Variants in BMERB1 observed in about 807,000 individuals in gnomAD.
BMERB1 encodes the protein bMERB domain-containing protein 1.
A neutral mutation model predicts 23.6 loss-of-function variants in BMERB1; 12 were observed. The ratio of observed to expected loss-of-function variants is 0.51; its 90% CI spans 0.33 to 0.82. The LOEUF is 0.82. Among genes scored for constraint, BMERB1 ranks in the 40% least tolerant of loss-of-function variants. BMERB1 has a pLI of 0.03. For missense variants in BMERB1, 247 were observed against 255.4 expected (o/e 0.97, Z 0.22); for synonymous variants, 122 against 96.6 (o/e 1.26, Z -1.54).
intron 3 of BMERB1, among the ~76,000 whole-genome samples, chr16:15,576,465 G>A (rs1380639116): frequency 6.6e-6 from 1 of 152,048 alleles, no homozygotes; most frequent in African/African-American, 2.4e-5. Context: ...CTGGCTGAAA[G>A]GTACAGAAAC....
At position 15,560,792 on chromosome 16, in the gene BMERB1, CAAAAT is replaced by C. The variant is rs542191165; in HGVS notation, c.231-7172_231-7168del. Among the ~76,000 whole-genome samples, 12 of 150,108 alleles carry C rather than the reference CAAAAT, an allele frequency of 8.0e-5. No individual in the cohort carries two copies. In the South Asian group the frequency reaches 8.4e-4, roughly 11 times the overall value. On this transcript the variant is annotated intron_variant, in intron 2 of 5. Transcript: ENST00000300006. ...TGGGTGACAGAGCCAGACTCCATCT[CAAAAT>C]AAAATAAAATAAAATAAATAAATAA...
intron 1 of BMERB1, among the ~76,000 whole-genome samples, chr16:15,509,573 A>C (rs906531510): frequency 6.6e-6 from 1 of 152,172 alleles, no homozygotes; most frequent in African/African-American, 2.4e-5. Context: ...GCGGCTGATG[A>C]CTAGTGTCAA....
intron 1 of BMERB1, among the ~76,000 whole-genome samples, chr16:15,470,535 T>TTCTTTC (rs1296541310): frequency 2.7e-5 from 1 of 37,118 alleles, no homozygotes; most frequent in Non-Finnish European, 9.8e-5. Flanking sequence ...CTTTCTTTCT[T>TTCTTTC]TTTTTTTTTT....
At chr16:15,461,956 A>ACAG (rs1035962763) in intron 1 of BMERB1, among the ~76,000 whole-genome samples, 2 of 151,898 alleles carry the variant, frequency 1.3e-5, no homozygotes, top group African/African-American at 2.4e-5. Flanking sequence ...AACAACAACA[A>ACAG]CAGCAGCAGC....
At chr16:15,474,545 G>T (rs189235172) in intron 1 of BMERB1, among the ~76,000 whole-genome samples, 3,142 of 151,768 alleles carry the variant, frequency 0.021, 103 homozygotes, top group Admixed American at 0.089. Flanking sequence ...AAATTTTTTT[G>T]TGTGTGTGTG....
intron 1 of BMERB1, among the ~76,000 whole-genome samples, chr16:15,486,610 T>A (rs925697763): frequency 2.6e-5 from 4 of 152,172 alleles, no homozygotes; most frequent in African/African-American, 9.7e-5. Flanking sequence ...TTCCATTGTA[T>A]CAACATGATC....
At chr16:15,502,861 C>A (rs144444634) in intron 1 of BMERB1, among the ~76,000 whole-genome samples, 1,818 of 152,214 alleles carry the variant, frequency 0.012, 15 homozygotes, top group Non-Finnish European at 0.022. Flanking sequence ...GAGATGGTCC[C>A]CATGACCATG....
intron 1 of BMERB1, among the ~76,000 whole-genome samples, chr16:15,449,830 A>T (rs2051026314): frequency 6.6e-6 from 1 of 151,628 alleles, no homozygotes; most frequent in African/African-American, 2.4e-5. Flanking sequence ...ACAGGCATGA[A>T]CCACTGCACC....
chr16:15,466,560 G>A (rs1031398654), intron 1 of BMERB1, among the ~76,000 whole-genome samples: 5 of 152,016 alleles, frequency 3.3e-5, no homozygotes, highest in East Asian at 1.9e-4. Flanking sequence ...TGTAGTTTGC[G>A]TGCAGTTGTA....
intron 1 of BMERB1, among the ~76,000 whole-genome samples, chr16:15,508,204 A>G (rs1473816350): frequency 1.3e-5 from 2 of 152,174 alleles, no homozygotes; most frequent in African/African-American, 2.4e-5. Context: ...AGGTGCTGGC[A>G]TGTGATAAAT....
intron 2 of BMERB1, among the ~76,000 whole-genome samples, chr16:15,564,583 A>G (rs576771408): frequency 5.8e-4 from 88 of 152,374 alleles, no homozygotes; most frequent in African/African-American, 2.0e-3. Flanking sequence ...CACTGCCATC[A>G]CAGCAGGTTT....
intron 1 of BMERB1, among the ~76,000 whole-genome samples, chr16:15,497,784 G>A (rs919039208): frequency 1.3e-5 from 2 of 152,122 alleles, no homozygotes; most frequent in East Asian, 1.9e-4. Context: ...CTAGGATGGC[G>A]GGATAATCCC....
rs939212242 is a variant in BMERB1, at chr16:15,562,784, G to A, written c.231-5199G>A. Reference sequence around the variant, plus strand: ...CTGGAGTCTCTCCAGTTGAACGATCGCTGATAGAAACTCACGGGAACAGTC... The same window carrying A: ...CTGGAGTCTCTCCAGTTGAACGATCACTGATAGAAACTCACGGGAACAGTC... On this transcript the variant is annotated intron_variant, in intron 2 of 5. Transcript: ENST00000300006. Among the ~76,000 whole-genome samples the A allele has an allele frequency of 1.4e-4, 21 of 152,310 alleles. No homozygotes were observed. In the Middle Eastern group the frequency reaches 0.01, roughly 74 times the overall value.
At chr16:15,447,344 A>G (rs1053158670) in intron 1 of BMERB1, among the ~76,000 whole-genome samples, 2 of 152,182 alleles carry the variant, frequency 1.3e-5, no homozygotes, top group Non-Finnish European at 2.9e-5. Flanking sequence ...GAAGCACCAG[A>G]TACTTATCAA....
chr16:15,532,385 C>T (rs1225362191), intron 2 of BMERB1, among the ~76,000 whole-genome samples: 1 of 151,950 alleles, frequency 6.6e-6, no homozygotes, highest in African/African-American at 2.4e-5. Flanking sequence ...GCACCCGCCA[C>T]TGCTCCCAGC....
At chr16:15,482,234 G>T (rs922948871) in intron 1 of BMERB1, among the ~76,000 whole-genome samples, 20 of 152,130 alleles carry the variant, frequency 1.3e-4, no homozygotes, top group African/African-American at 4.8e-4. Flanking sequence ...TAATCATAGG[G>T]ATCCCCAGGG....
At chr16:15,541,612 T>C (rs974665432) in intron 2 of BMERB1, among the ~76,000 whole-genome samples, 11 of 146,406 alleles carry the variant, frequency 7.5e-5, no homozygotes, top group African/African-American at 2.8e-4. Context: ...TTTTTTTTTT[T>C]TTTTTTTGAG....
At chr16:15,543,359 A>T (rs2052104303) in intron 2 of BMERB1, among the ~76,000 whole-genome samples, 1 of 152,230 alleles carries the variant, frequency 6.6e-6, no homozygotes, top group African/African-American at 2.4e-5. Flanking sequence ...GGAAAAGGCA[A>T]CATTTGGGTG....
At chr16:15,573,689 C>A (rs1203690702) in intron 3 of BMERB1, among the ~76,000 whole-genome samples, 1 of 152,134 alleles carries the variant, frequency 6.6e-6, no homozygotes, top group African/African-American at 2.4e-5. Context: ...TTGTAGCCTC[C>A]AGCTGCATGA....
Sources: allele counts gnomAD v4.1 joint callset (sites outside exome capture counted in the v4.1 genomes callset), GRCh38; gene constraint gnomAD v4.1.1; transcripts MANE v1.5; gene names NCBI Gene and HGNC (gene_info 2026-07-23, HGNC 2026-07-21).